Variants in AGMO observed in about 807,000 individuals in gnomAD.
AGMO encodes alkylglycerol monooxygenase.
A neutral mutation model predicts 60.2 loss-of-function variants in AGMO; 75 were observed. That is an observed-to-expected ratio of 1.25 (90% CI 1.03 to 1.51). The LOEUF (loss-of-function observed/expected upper bound fraction) is 1.51. Ranked by LOEUF, AGMO falls within the 40% of genes most tolerant of loss-of-function variation. The probability of loss-of-function intolerance (pLI) is 0.00; values close to 1 mark genes in which losing one functional copy is unlikely to be tolerated. For missense variants in AGMO, 763 were observed against 525.5 expected, an observed-to-expected ratio of 1.45 and a Z score of -4.42; for synonymous variants, 261 against 177.1, an observed-to-expected ratio of 1.47 and a Z score of -3.76.
intron 3 of AGMO, among the ~76,000 whole-genome samples, chr7:15,464,202 G>A (rs560977899): frequency 1.3e-5 from 2 of 152,264 alleles, no homozygotes; most frequent in Admixed American, 6.5e-5. Flanking sequence ...CAGTGCTGTG[G>A]CTGAACTGGA....
At chr7:15,361,200 C>G (rs901731750) in intron 12 of AGMO, among the ~76,000 whole-genome samples, 1 of 151,680 alleles carries the variant, frequency 6.6e-6, no homozygotes, top group Admixed American at 6.6e-5. Flanking sequence ...TGTGACAACT[C>G]TAGGGTCATG....
chr7:15,478,842 G>A (rs1340711974), intron 3 of AGMO, among the ~76,000 whole-genome samples: 1 of 151,962 alleles, frequency 6.6e-6, no homozygotes, highest in Non-Finnish European at 1.5e-5. Flanking sequence ...GTTTTGTATT[G>A]ATATTGTATA....
chr7:15,524,385 G>A (rs1168400635), intron 3 of AGMO, among the ~76,000 whole-genome samples: 1 of 151,950 alleles, frequency 6.6e-6, no homozygotes, highest in Non-Finnish European at 1.5e-5. Flanking sequence ...AAAAATGAAG[G>A]CTAAAATAAT....
chr7:15,383,697 T>C (rs1342799639), intron 10 of AGMO, among the ~76,000 whole-genome samples: 1 of 152,190 alleles, frequency 6.6e-6, no homozygotes, highest in African/African-American at 2.4e-5. Flanking sequence ...TTTAACTAGA[T>C]AGACTCATGC....
chr7:15,550,599 C>G (rs2115296362), intron 2 of AGMO, among the ~76,000 whole-genome samples: 1 of 151,798 alleles, frequency 6.6e-6, no homozygotes, highest in South Asian at 2.1e-4. Context: ...CACATACACT[C>G]TCCCAAGACT....
At chr7:15,134,454 A>T in the AGMO span, among the ~76,000 whole-genome samples, 1 of 151,620 alleles carries the variant, frequency 6.6e-6, no homozygotes, top group East Asian at 1.9e-4. Flanking sequence ...CTCTCCTCCC[A>T]CCCTCCACCC....
At chr7:15,458,271 A>T (rs1782048182) in intron 3 of AGMO, among the ~76,000 whole-genome samples, 1 of 152,218 alleles carries the variant, frequency 6.6e-6, no homozygotes. Context: ...TGTAGCAAAA[A>T]TCGGCATTAA....
intron 12 of AGMO, among the ~76,000 whole-genome samples, chr7:15,206,646 T>C (rs1426649825): frequency 6.6e-6 from 1 of 152,126 alleles, no homozygotes; most frequent in Admixed American, 6.5e-5. Flanking sequence ...CATCACCTTA[T>C]TGAAAAGAAT....
At position 15,430,594 on chromosome 7, in the gene AGMO, TGTTTTTTTTAAAAAAAAAAAACAACTG is replaced by T. The variant is rs1233413730; in HGVS notation, c.513+384_513+410del. Among the ~76,000 whole-genome samples the T allele has an allele frequency of 6.7e-5, 5 of 74,334 alleles. No individual in the cohort carries two copies. In the East Asian group the frequency reaches 9.5e-4, roughly 14 times the overall value. 48.8% of individuals were successfully genotyped at this position (74,334 alleles called of 152,430 possible). A position where few individuals can be genotyped will look rare whatever the true frequency, so the allele number is the denominator to read the frequency against. ...TTCAACTAGATTTTAGAGAATTAGTTGTTTTTTTTAAAAAAAAAAAACAACTGGTTTTTTTTAAAAAAAAAAAAAAAA... is the reference window on the plus strand; with the variant it reads ...TTCAACTAGATTTTAGAGAATTAGTTGTTTTTTTTAAAAAAAAAAAAAAAA... On this transcript the variant is annotated intron_variant, in intron 4 of 12. Coordinates refer to ENST00000342526, the MANE Select transcript of AGMO (RefSeq NM_001004320.2).
intron 12 of AGMO, among the ~76,000 whole-genome samples, chr7:15,275,722 G>A (rs1274306025): frequency 6.6e-6 from 1 of 152,042 alleles, no homozygotes; most frequent in Admixed American, 6.5e-5. Flanking sequence ...GTTTTCTGGT[G>A]TTGGGTGCAT....
At chr7:15,531,620 CTATA>C in intron 3 of AGMO, among the ~76,000 whole-genome samples, 1 of 120,038 alleles carries the variant, frequency 8.3e-6, no homozygotes, top group East Asian at 2.3e-4. Flanking sequence ...TATGTATATT[CTATA>C]TATATATTCT....
rs139642069 is a variant in AGMO, at chr7:15,247,459, C to CACACAGAG, written c.1264-46101_1264-46100insCTCTGTGT. ...ACACACACACACACACACACACACA[C>CACACAGAG]AGAGAGAGAGAGAGAGAGAGGGAGA... On this transcript the variant is annotated intron_variant, in intron 12 of 12. Coordinates refer to ENST00000342526, the MANE Select transcript of AGMO (RefSeq NM_001004320.2). Among the ~76,000 whole-genome samples, 181 of 115,276 alleles carry CACACAGAG rather than the reference C, an allele frequency of 1.6e-3. 1 individual carries two copies. The highest frequency in any genetic ancestry group is 5.9e-3 in the African/African-American group (168 of 28,328). The allele number at this position is 115,276 out of a possible 152,430, so 75.6% of individuals were successfully genotyped here.
intron 12 of AGMO, among the ~76,000 whole-genome samples, chr7:15,255,311 G>A (rs531005927): frequency 6.6e-6 from 1 of 152,206 alleles, no homozygotes; most frequent in South Asian, 2.1e-4. Context: ...GTATACCTAA[G>A]TAACAAAACT....
In AGMO at chr7:15,365,495, A is replaced by G. The variant is rs760125704; in HGVS notation, c.1263+19T>C. 6.4e-7 allele frequency: 1 copy of G among 1,564,610 alleles called. No homozygotes were observed. Among genetic ancestry groups the G allele is most frequent in the Non-Finnish European group, 8.8e-7 (1 of 1,136,776 alleles). On this transcript the variant is annotated intron_variant, in intron 12 of 12. Transcript: ENST00000342526. ...GATAGGTATACGCCATCCTGTGGCTACCTAAACAAATGTCTTACCTCAAAA... is the reference window on the plus strand; with the variant it reads ...GATAGGTATACGCCATCCTGTGGCTGCCTAAACAAATGTCTTACCTCAAAA...
intron 8 of AGMO, among the ~76,000 whole-genome samples, chr7:15,388,615 A>T (rs1784017922): frequency 6.6e-6 from 1 of 152,178 alleles, no homozygotes; most frequent in South Asian, 2.1e-4. Flanking sequence ...ATGCTCTGAA[A>T]ATGTGTGATG....
downstream of AGMO, among the ~76,000 whole-genome samples, chr7:15,196,723 G>T (rs149191393): frequency 3.2e-3 from 490 of 152,232 alleles, 2 homozygotes; most frequent in African/African-American, 0.011. Context: ...GTGTCTTCCT[G>T]GTTTCTGTAA....
intron 1 of AGMO, among the ~76,000 whole-genome samples, chr7:15,560,687 T>C (rs1001404216): frequency 7.2e-5 from 11 of 152,198 alleles, no homozygotes; most frequent in African/African-American, 2.7e-4. Flanking sequence ...TTTTTCATAT[T>C]AGACTTACCA....
intron 12 of AGMO, among the ~76,000 whole-genome samples, chr7:15,281,582 G>T (rs1783966980): frequency 6.6e-6 from 1 of 152,058 alleles, no homozygotes; most frequent in Non-Finnish European, 1.5e-5. Flanking sequence ...TGCTAGCCTG[G>T]CAGGAGAGCT....
At chr7:15,325,920 A>AAGG (rs1781326077) in intron 12 of AGMO, among the ~76,000 whole-genome samples, 8 of 150,892 alleles carry the variant, frequency 5.3e-5, no homozygotes, top group Admixed American at 1.3e-4. Context: ...GAGGAAGAAG[A>AAGG]CGGAGGAGGA....
Sources: allele counts gnomAD v4.1 joint callset (sites outside exome capture counted in the v4.1 genomes callset), GRCh38; gene constraint gnomAD v4.1.1; transcripts MANE v1.5; gene names NCBI Gene and HGNC (gene_info 2026-07-23, HGNC 2026-07-21).